The following PASK variants were observed in gnomAD, a reference collection of about 807,000 sequenced individuals.
PASK encodes PAS domain-containing serine/threonine-protein kinase.
Under a neutral mutation model 121.0 loss-of-function variants are expected in PASK, and 110 were observed. The ratio of observed to expected loss-of-function variants is 0.91; its 90% confidence interval spans 0.78 to 1.06. The LOEUF is 1.06. Ranked by LOEUF, PASK falls within the 50% of genes least tolerant of loss-of-function variation. The probability of loss-of-function intolerance (pLI) is 0.00; values close to 1 mark genes in which losing one functional copy is unlikely to be tolerated. For synonymous variants in PASK, 686 were observed against 717.8 expected, an observed-to-expected ratio of 0.96 and a Z score of 0.71; for missense variants, 1,643 against 1,702.3, an observed-to-expected ratio of 0.97 and a Z score of 0.61.
chr2:241,139,720 G>A, intron 4 of PASK, 165 bp downstream of exon 4: 1 of 734,832 alleles, frequency 1.4e-6, no homozygotes, highest in Non-Finnish European at 2.5e-6. Context: ...CACTGCAGCT[G>A]AAGCGGGGAA....
At chr2:241,118,764 G>A (rs2065477687) in intron 12 of PASK, 2 of 285,098 alleles carry the variant, frequency 7.0e-6, no homozygotes, top group East Asian at 1.5e-4. Flanking sequence ...GGCTGGCAGG[G>A]GCCCACGGCG....
At chr2:241,133,054 C>T (rs548995856) in intron 8 of PASK, 24 bp from the exon 9 acceptor site, 9 of 1,613,270 alleles carry the variant, frequency 5.6e-6, no homozygotes, top group East Asian at 4.5e-5. Flanking sequence ...CAAAAAAGAG[C>T]GTTTGCTCTT....
chr2:241,121,992 C>A (rs1424077503), intron 12 of PASK, among the ~76,000 whole-genome samples: 1 of 152,166 alleles, frequency 6.6e-6, no homozygotes, highest in Non-Finnish European at 1.5e-5. Context: ...GATATCTGAA[C>A]AATCACCAAA....
Position 241,139,902 on chromosome 2 carries a change from C to T in PASK, c.583G>A (p.Val195Met). 6.2e-7 allele frequency: 1 copy of T among 1,614,210 alleles called. No individual in the cohort carries two copies. Among genetic ancestry groups the T allele is most frequent in the Non-Finnish European group, 8.5e-7 (1 of 1,180,018 alleles). Residue 195 changes from valine to methionine, a missense_variant, in exon 4 of 18, where the codon GTG becomes ATG. By Grantham distance (21) the Val-to-Met change is conservative. Coordinates refer to ENST00000234040, the MANE Select transcript of PASK (RefSeq NM_015148.4). The part of the protein sequence containing the change: ...EHMEADGHAA[V>M]VFGTVVDIIS... ...CCACTCACCACCGTGCCAAACACCA[C>T]CGCAGCGTGGCCGTCGGCCTCCATG... is the stretch of plus-strand genomic sequence containing the variant.
chr2:241,120,522 G>T (rs1400228882), intron 12 of PASK, among the ~76,000 whole-genome samples: 1 of 151,356 alleles, frequency 6.6e-6, no homozygotes, highest in Non-Finnish European at 1.5e-5. Flanking sequence ...CAAAGGATCA[G>T]AACAGACATT....
At chr2:241,126,107 A>G (rs773149077) in intron 10 of PASK, 89 bp downstream of exon 10, 11 of 1,163,464 alleles carry the variant, frequency 9.5e-6, no homozygotes, top group Admixed American at 3.6e-5. Context: ...GTGAAACCCC[A>G]TCAGACCCCA....
At chr2:241,131,416 G>A (rs918902079) in intron 9 of PASK, among the ~76,000 whole-genome samples, 1 of 152,146 alleles carries the variant, frequency 6.6e-6, no homozygotes, top group African/African-American at 2.4e-5. Flanking sequence ...CCAAAGTGCT[G>A]GGATTATAGG....
At chr2:241,118,744 A>T (rs2065477229) in intron 12 of PASK, 1 of 244,016 alleles carries the variant, frequency 4.1e-6, no homozygotes, top group South Asian at 1.1e-4. Flanking sequence ...CCCCCAGTGC[A>T]AAGCCCAGGG....
chr2:241,118,874 G>A (rs561036721), intron 12 of PASK: 14 of 983,628 alleles, frequency 1.4e-5, no homozygotes, highest in South Asian at 1.3e-4. Context: ...GGCACTTCCC[G>A]CAGCTCCTGG....
intron 2 of PASK, 60 bp from the exon 3 acceptor site, chr2:241,140,813 G>A (rs1014853049): frequency 1.8e-6 from 2 of 1,130,642 alleles, no homozygotes; most frequent in African/African-American, 1.5e-5. Context: ...TCCACCTTCT[G>A]AAACAGGCAA....
At chr2:241,135,821 T>C (rs1476185812) in intron 8 of PASK, 50 bp downstream of exon 8, 2 of 1,554,942 alleles carry the variant, frequency 1.3e-6, no homozygotes, top group Non-Finnish European at 1.8e-6. Context: ...CATGGGGCTG[T>C]CTGGGGCTCA....
chr2:241,117,419 GGTGAAGAGGC>G (rs2065421449), intron 12 of PASK, among the ~76,000 whole-genome samples: 1 of 152,224 alleles, frequency 6.6e-6, no homozygotes, highest in African/African-American at 2.4e-5. Context: ...TGACACTCTA[GGTGAAGAGGC>G]CTGCGGCCTG....
intron 10 of PASK, among the ~76,000 whole-genome samples, chr2:241,125,137 A>T (rs542858222): frequency 4.3e-4 from 65 of 151,918 alleles, no homozygotes; most frequent in Non-Finnish European, 6.8e-4. Flanking sequence ...TGTCTCTACT[A>T]AAAAAACAAA....
At chr2:241,134,220 T>G (rs1040770906) in intron 8 of PASK, 4 of 151,512 alleles carry the variant, frequency 2.6e-5, no homozygotes, top group African/African-American at 9.7e-5. Flanking sequence ...CCACCAAATA[T>G]CCGACAAACA....
At chr2:241,131,042 C>T (rs1286819092) in intron 9 of PASK, among the ~76,000 whole-genome samples, 1 of 151,730 alleles carries the variant, frequency 6.6e-6, no homozygotes, top group Non-Finnish European at 1.5e-5. Context: ...CTGCGGTCCC[C>T]TGGGGGAAAG....
At chr2:241,119,705 C>T (rs1575256857) in intron 12 of PASK, among the ~76,000 whole-genome samples, 2 of 152,076 alleles carry the variant, frequency 1.3e-5, no homozygotes, top group Admixed American at 1.3e-4. Flanking sequence ...CTCCTGACCT[C>T]GTGATCCACC....
chr2:241,140,096 A>G, intron 3 of PASK, 41 bp from the exon 4 acceptor site: 2 of 1,551,198 alleles, frequency 1.3e-6, no homozygotes, highest in Non-Finnish European at 1.8e-6. Flanking sequence ...AGACATCCCC[A>G]GCAGCTCCAC....
Position 241,132,527 on chromosome 2 carries a change from T to TAAA in PASK, c.1463+344_1463+346dup, listed in dbSNP as rs71049553. On this transcript the variant is annotated intron_variant, in intron 9 of 17. Coordinates refer to ENST00000234040, the MANE Select transcript of PASK (RefSeq NM_015148.4). The stretch of plus-strand genomic sequence containing the variant: ...CTGGGTGACACAGCGAGACTCTGTC[T>TAAA]AAAAAAAAAAAAAAAAAAAAAAAAA... Among the ~76,000 whole-genome samples the TAAA allele has an allele frequency of 9.1e-3, 358 of 39,506 alleles. 26 individuals are homozygous for TAAA. Among genetic ancestry groups the TAAA allele is most frequent in the African/African-American group, 0.032 (316 of 9,950 alleles). 25.9% of individuals were successfully genotyped at this position (39,506 alleles called of 152,430 possible).
At chr2:241,146,730 A>T (rs553364703) in intron 1 of PASK, among the ~76,000 whole-genome samples, 1 of 152,340 alleles carries the variant, frequency 6.6e-6, no homozygotes, top group African/African-American at 2.4e-5. Flanking sequence ...TAAATAAGAG[A>T]CTGGTAAACC....
Sources: gnomAD v4.1 joint callset for allele counts (sites outside exome capture counted in the v4.1 genomes callset) on GRCh38, gnomAD v4.1.1 for gene constraint, MANE v1.5 for transcripts, NCBI Gene and HGNC (gene_info 2026-07-23, HGNC 2026-07-21) for gene names.